Variants in SOX6 observed in about 807,000 individuals in gnomAD.
SOX6 encodes the protein transcription factor SOX-6.
Under a neutral mutation model 97.8 loss-of-function variants are expected in SOX6, and 11 were observed. That is an observed-to-expected ratio of 0.11 (90% CI 0.07 to 0.19). The LOEUF (loss-of-function observed/expected upper bound fraction) is 0.19. Ranked by LOEUF, SOX6 falls within the 10% of genes least tolerant of loss-of-function variation. SOX6 has a pLI of 1.00. For synonymous variants in SOX6, 360 were observed against 371.4 expected (o/e 0.97, Z 0.35); for missense variants, 810 against 1,039.5 (o/e 0.78, Z 3.04).
At chr11:16,029,001 T>C (rs1339605054) in intron 12 of SOX6, among the ~76,000 whole-genome samples, 1 of 152,178 alleles carries the variant, frequency 6.6e-6, no homozygotes, top group East Asian at 1.9e-4. Context: ...ATGCAGCACA[T>C]TGTAGGTCAT....
At chr11:16,634,591 T>A (rs1848757380) in intron 3 of SOX6, among the ~76,000 whole-genome samples, 1 of 152,220 alleles carries the variant, frequency 6.6e-6, no homozygotes, top group South Asian at 2.1e-4. Flanking sequence ...ATCAAGTCTA[T>A]TGATTTAGTG....
chr11:16,147,782 G>C (rs1850349918), intron 6 of SOX6, among the ~76,000 whole-genome samples: 1 of 152,116 alleles, frequency 6.6e-6, no homozygotes, highest in African/African-American at 2.4e-5. Flanking sequence ...AGCACAGCCA[G>C]TTTACTACTC....
At chr11:16,191,811 T>G (rs918705036) in intron 4 of SOX6, among the ~76,000 whole-genome samples, 3 of 152,012 alleles carry the variant, frequency 2.0e-5, no homozygotes, top group African/African-American at 7.2e-5. Flanking sequence ...AAACTGTATC[T>G]GTTCTCCAAC....
chr11:16,455,337 T>C (rs1444010119), intron 1 of SOX6, among the ~76,000 whole-genome samples: 1 of 152,006 alleles, frequency 6.6e-6, no homozygotes, highest in African/African-American at 2.4e-5. Context: ...CTTGAATAAT[T>C]AGGATTTGTA....
intron 6 of SOX6, among the ~76,000 whole-genome samples, chr11:16,127,744 G>C (rs1341267539): frequency 6.6e-6 from 1 of 152,062 alleles, no homozygotes; most frequent in Non-Finnish European, 1.5e-5. Flanking sequence ...TTAAAATATA[G>C]AAAGTGTGTA....
At chr11:16,558,616 T>C (rs1253511728) in intron 4 of SOX6, among the ~76,000 whole-genome samples, 3 of 151,986 alleles carry the variant, frequency 2.0e-5, no homozygotes, top group Non-Finnish European at 4.4e-5. Flanking sequence ...ACATTCTAAA[T>C]ACGAAGGAGT....
chr11:16,060,933 G>T (rs1285243053), intron 9 of SOX6, among the ~76,000 whole-genome samples: 1 of 151,638 alleles, frequency 6.6e-6, no homozygotes, highest in Non-Finnish European at 1.5e-5. Context: ...CACCAATAAT[G>T]GTGCCTTGCA....
At chr11:16,247,974 A>G (rs1853389703) in intron 3 of SOX6, among the ~76,000 whole-genome samples, 1 of 152,200 alleles carries the variant, frequency 6.6e-6, no homozygotes, top group African/African-American at 2.4e-5. Flanking sequence ...TCCTAGATAA[A>G]ATAGGGGTAC....
intron 4 of SOX6, among the ~76,000 whole-genome samples, chr11:16,218,184 G>A (rs560519916): frequency 6.6e-6 from 1 of 151,942 alleles, no homozygotes; most frequent in African/African-American, 2.4e-5. Flanking sequence ...TTTTTAAATT[G>A]AATACAGAAT....
chr11:16,293,981 A>T (rs576805003), intron 3 of SOX6, among the ~76,000 whole-genome samples: 24 of 151,970 alleles, frequency 1.6e-4, no homozygotes, highest in South Asian at 1.2e-3. Context: ...CTACACATAA[A>T]CTAATTACTG....
chr11:16,098,438 T>C (rs1043618318), intron 7 of SOX6, among the ~76,000 whole-genome samples: 2 of 151,878 alleles, frequency 1.3e-5, no homozygotes, highest in African/African-American at 4.8e-5. Flanking sequence ...TCAGCAGAGA[T>C]GAATGCTATA....
intron 4 of SOX6, among the ~76,000 whole-genome samples, chr11:16,221,065 C>A (rs977647189): frequency 3.3e-5 from 5 of 152,016 alleles, no homozygotes; most frequent in Non-Finnish European, 7.4e-5. Context: ...TCTAGTCCAG[C>A]AGTTCTCAAA....
intron 13 of SOX6, among the ~76,000 whole-genome samples, chr11:16,014,408 A>T (rs1590130546): frequency 1.3e-5 from 2 of 152,070 alleles, no homozygotes; most frequent in East Asian, 3.9e-4. Context: ...AAACTGCTGC[A>T]AACTATCATT....
chr11:16,654,747 T>C (rs907325245), intron 3 of SOX6, among the ~76,000 whole-genome samples: 2 of 152,260 alleles, frequency 1.3e-5, no homozygotes, highest in African/African-American at 4.8e-5. Context: ...GCATCTATTA[T>C]CATTGCTAAG....
intron 4 of SOX6, among the ~76,000 whole-genome samples, chr11:16,499,839 G>C (rs1409891597): frequency 6.6e-6 from 1 of 152,122 alleles, no homozygotes; most frequent in African/African-American, 2.4e-5. Context: ...ACCAAAAAAA[G>C]TCCAGGACCA....
intron 9 of SOX6, among the ~76,000 whole-genome samples, chr11:16,060,913 G>T (rs550271143): frequency 6.6e-6 from 1 of 151,776 alleles, no homozygotes; most frequent in Admixed American, 6.6e-5. Flanking sequence ...AATTATTTTT[G>T]AATGCTTAGC....
chr11:16,367,796 A>G (rs2134387427), intron 1 of SOX6, among the ~76,000 whole-genome samples: 1 of 152,310 alleles, frequency 6.6e-6, no homozygotes, highest in East Asian at 1.9e-4. Context: ...AGAAACTGTT[A>G]TCTGGCACCT....
At chr11:16,316,547 A>G (rs1208555680) in intron 3 of SOX6, 2 of 152,058 alleles carry the variant, frequency 1.3e-5, no homozygotes, top group Non-Finnish European at 2.9e-5. Context: ...TCTCTCTTAT[A>G]CAAAATCAAC....
intron 3 of SOX6, among the ~76,000 whole-genome samples, chr11:16,642,321 C>T (rs1848930874): frequency 6.6e-6 from 1 of 151,946 alleles, no homozygotes; most frequent in African/African-American, 2.4e-5. Context: ...CCAGGGTAAC[C>T]CAGCCTTTCT....
Sources: gnomAD v4.1 joint callset for allele counts (sites outside exome capture counted in the v4.1 genomes callset) on GRCh38, gnomAD v4.1.1 for gene constraint, MANE v1.5 for transcripts, NCBI Gene and HGNC (gene_info 2026-07-23, HGNC 2026-07-21) for gene names.